CSNK2A1: variants seen among roughly 807,000 people sequenced by gnomAD.
CSNK2A1 encodes the protein casein kinase II subunit alpha.
Under a neutral mutation model 62.9 loss-of-function variants are expected in CSNK2A1, and 10 were observed. That is an observed-to-expected ratio of 0.16 (90% CI 0.10 to 0.27). CSNK2A1 has a LOEUF of 0.27. Among genes scored for constraint, CSNK2A1 ranks in the 10% least tolerant of loss-of-function variants. The probability of loss-of-function intolerance (pLI) is 1.00; values close to 1 mark genes in which losing one functional copy is unlikely to be tolerated. For missense variants in CSNK2A1, 160 were observed against 492.0 expected (o/e 0.33, Z 6.38); for synonymous variants, 124 against 167.8 (o/e 0.74, Z 2.02).
chr20:515,685 G>GTTAA (rs1467596065), intron 2 of CSNK2A1, among the ~76,000 whole-genome samples: 1 of 152,164 alleles, frequency 6.6e-6, no homozygotes, highest in African/African-American at 2.4e-5. Flanking sequence ...GTTCTACAAA[G>GTTAA]TTAAGAACCA....
At position 509,399 on chromosome 20, in the gene CSNK2A1, A is replaced by G. The variant is rs2122573763; in HGVS notation, c.-109-739T>C. 1.3e-5 allele frequency among the ~76,000 whole-genome samples: 2 copies of G among 152,380 alleles called. 1 individual carries two copies. The highest frequency in any genetic ancestry group is 4.1e-4 in the South Asian group (2 of 4,830). On this transcript the variant is annotated intron_variant, in intron 2 of 13. Coordinates refer to ENST00000217244, the MANE Select transcript of CSNK2A1 (RefSeq NM_177559.3). ...GGGGAAAATAAGTAAGATGTTAGAA[A>G]TATGCTATCAAATCAGGTTCCTTTC... is the stretch of plus-strand genomic sequence containing the variant.
intron 1 of CSNK2A1, among the ~76,000 whole-genome samples, chr20:537,012 T>C (rs945623221): frequency 5.3e-5 from 8 of 152,206 alleles, no homozygotes; most frequent in African/African-American, 1.7e-4. Flanking sequence ...TCTTAAAATT[T>C]ATAGAACATT....
At position 488,716 on chromosome 20, in the gene CSNK2A1, G is replaced by A. The variant is rs749790755; in HGVS notation, c.786C>T (p.Asn262=). The A allele has an allele frequency of 6.2e-7, 1 of 1,613,906 alleles. No individual in the cohort carries two copies. The highest frequency in any genetic ancestry group is 2.2e-5 in the East Asian group (1 of 44,866). ...EDLYDYIDKY[N]IELDPRFNDI... ...CATTGAAACGTGGATCTAATTCAAT[G>A]TTGTATTTGTCAATATAGTCATATA... The change falls in exon 11 of 14, where the codon AAC becomes AAT. Residue 262 remains asparagine (N), a synonymous_variant. Transcript: ENST00000217244.
intron 11 of CSNK2A1, chr20:488,273 G>T: frequency 5.5e-6 from 1 of 183,040 alleles, no homozygotes; most frequent in Non-Finnish European, 1.1e-5. Flanking sequence ...CTAAAGTTCT[G>T]GGATTACAGA....
intron 4 of CSNK2A1, 187 bp from the exon 5 acceptor site, chr20:500,121 A>T: frequency 1.8e-6 from 1 of 552,072 alleles, no homozygotes; most frequent in Non-Finnish European, 3.2e-6. Flanking sequence ...AGGTACTTAC[A>T]AATGTTGAAT....
At chr20:542,865 G>A (rs1435939836) in intron 1 of CSNK2A1, among the ~76,000 whole-genome samples, 1 of 152,156 alleles carries the variant, frequency 6.6e-6, no homozygotes, top group African/African-American at 2.4e-5. Flanking sequence ...CAATAGCCAA[G>A]ATGCAACTTC....
chr20:516,220 C>T (rs1232276812), intron 2 of CSNK2A1, among the ~76,000 whole-genome samples: 2 of 152,166 alleles, frequency 1.3e-5, no homozygotes, highest in African/African-American at 4.8e-5. Flanking sequence ...GCTTACTGTT[C>T]TCATGTAATT....
chr20:532,364 A>G (rs1238293408), intron 1 of CSNK2A1, among the ~76,000 whole-genome samples: 2 of 143,080 alleles, frequency 1.4e-5, no homozygotes, highest in African/African-American at 2.6e-5. Context: ...ATTTTAGTAG[A>G]GACAGGGTTT....
intron 1 of CSNK2A1, chr20:541,126 C>A (rs73892448): frequency 6.6e-6 from 1 of 152,192 alleles, no homozygotes. Flanking sequence ...GAGTCCTTCT[C>A]ATGCTTCAAA....
intron 9 of CSNK2A1, among the ~76,000 whole-genome samples, chr20:490,378 T>G (rs1363871572): frequency 6.9e-6 from 1 of 144,892 alleles, no homozygotes; most frequent in African/African-American, 2.6e-5. Context: ...TTTTCTTTTA[T>G]GCATCTTTCA....
At chr20:484,217 G>C (rs2018018156) in intron 13 of CSNK2A1, 141 bp from the exon 14 acceptor site, 9 of 614,066 alleles carry the variant, frequency 1.5e-5, no homozygotes, top group Non-Finnish European at 2.1e-5. Flanking sequence ...TATACTTCAA[G>C]TCTGACCCTC....
rs1418571617 is a variant in CSNK2A1 at position 474,788 on chromosome 20, T to C, written c.*9173A>G. 6.6e-6 allele frequency: 1 copy of C among 152,190 alleles called. No individual in the cohort carries two copies. Among genetic ancestry groups the C allele is most frequent in the East Asian group, 1.9e-4 (1 of 5,202 alleles). The allele number at this position is 152,190 out of a possible 1,614,324, so 9.4% of individuals were successfully genotyped here. A position where few individuals can be genotyped will look rare whatever the true frequency, so the allele number is the denominator to read the frequency against. ...CATACTGTAATCCTGGTTAGACCAGTATTCAGTGTTTCCATTATGACTACG... is the reference window on the plus strand; with the variant it reads ...CATACTGTAATCCTGGTTAGACCAGCATTCAGTGTTTCCATTATGACTACG... On this transcript the variant is annotated 3_prime_UTR_variant, in exon 14 of 14. Coordinates refer to ENST00000217244, the MANE Select transcript of CSNK2A1 (RefSeq NM_177559.3).
intron 1 of CSNK2A1, among the ~76,000 whole-genome samples, chr20:531,936 C>A (rs1039628911): frequency 1.3e-5 from 2 of 152,308 alleles, no homozygotes; most frequent in South Asian, 2.1e-4. Flanking sequence ...ACTTGAATTT[C>A]TTCACTACTG....
chr20:529,606 A>AG (rs2019169670), intron 1 of CSNK2A1, among the ~76,000 whole-genome samples: 1 of 152,208 alleles, frequency 6.6e-6, no homozygotes, highest in Admixed American at 6.5e-5. Flanking sequence ...TTAAGTAAAA[A>AG]GGTAAAAGTT....
chr20:509,943 G>T (rs114156293), intron 2 of CSNK2A1, among the ~76,000 whole-genome samples: 1 of 152,174 alleles, frequency 6.6e-6, no homozygotes, highest in Admixed American at 6.5e-5. Context: ...AAAGGGGGAA[G>T]GGGTACTATA....
chr20:492,276 G>T lies in CSNK2A1; in HGVS notation c.599C>A (p.Pro200His), dbSNP rs2018251765. 6.2e-7 allele frequency: 1 copy of T among 1,613,714 alleles called. No individual in the cohort carries two copies. The stretch of plus-strand genomic sequence containing the variant: ...TACCTGATAGTCTACAAGTAGCTCA[G>T]GACCTTTGAAGTATCGGGAAGCAAC... The part of the protein sequence containing the change: ...VRVASRYFKG[P>H]ELLVDYQMYD... The change falls in exon 9 of 14, where the codon CCT (proline) becomes CAT (histidine). Residue 200 changes from proline (P) to histidine (H), a missense_variant. Physicochemically the swap from Pro to His is moderately conservative, Grantham distance 77. Transcript: ENST00000217244.
At position 480,299 on chromosome 20, in the gene CSNK2A1, T is replaced by C. The variant is rs1449654901; in HGVS notation, c.*3662A>G. 6.6e-6 allele frequency: 1 copy of C among 150,436 alleles called. No individual in the cohort carries two copies. Among genetic ancestry groups the C allele is most frequent in the Admixed American group, 6.6e-5 (1 of 15,088 alleles). The allele number at this position is 150,436 out of a possible 1,614,324, so 9.3% of individuals were successfully genotyped here. A position where few individuals can be genotyped will look rare whatever the true frequency, so the allele number is the denominator to read the frequency against. The stretch of plus-strand genomic sequence containing the variant: ...GTGTGTAGGGAGAGAAAGGGGGCAA[T>C]GGAGTGGAGAGTGGAACTACAATTT... On this transcript the variant is annotated 3_prime_UTR_variant, in exon 14 of 14. Coordinates refer to ENST00000217244, the MANE Select transcript of CSNK2A1 (RefSeq NM_177559.3).
intron 2 of CSNK2A1, among the ~76,000 whole-genome samples, chr20:519,100 T>C (rs1407227103): frequency 6.6e-6 from 1 of 152,056 alleles, no homozygotes; most frequent in Non-Finnish European, 1.5e-5. Flanking sequence ...CATGCCCGGC[T>C]AATTTTTGTA....
intron 4 of CSNK2A1, chr20:501,955 C>A (rs2018481047): frequency 6.6e-6 from 1 of 152,132 alleles, no homozygotes; most frequent in Non-Finnish European, 1.5e-5. Flanking sequence ...ACTATAAATT[C>A]TTTTAACTTT....
Sources: allele counts gnomAD v4.1 joint callset (sites outside exome capture counted in the v4.1 genomes callset), GRCh38; gene constraint gnomAD v4.1.1; transcripts MANE v1.5; gene names NCBI Gene and HGNC (gene_info 2026-07-23, HGNC 2026-07-21).